MARCHF1: variants seen among roughly 807,000 people sequenced by gnomAD.
MARCHF1 encodes the protein membrane associated ring-CH-type finger 1.
Under a neutral mutation model 54.2 loss-of-function variants are expected in MARCHF1, and 40 were observed. The ratio of observed to expected loss-of-function variants is 0.74; its 90% confidence interval spans 0.57 to 0.96. MARCHF1 has a LOEUF of 0.96. Among genes scored for constraint, MARCHF1 ranks in the 40% least tolerant of loss-of-function variants. MARCHF1 has a pLI of 0.00. For missense variants in MARCHF1, 586 were observed against 656.5 expected, an observed-to-expected ratio of 0.89 and a Z score of 1.17; for synonymous variants, 236 against 236.3, an observed-to-expected ratio of 1.00 and a Z score of 0.01.
chr4:163,809,767 C>T (rs1748331821), intron 4 of MARCHF1, among the ~76,000 whole-genome samples: 1 of 151,626 alleles, frequency 6.6e-6, no homozygotes, highest in Non-Finnish European at 1.5e-5. Flanking sequence ...TTTATGTGAC[C>T]AGCTTTTAGT....
chr4:163,603,740 AT>A (rs1271317443), intron 7 of MARCHF1, among the ~76,000 whole-genome samples: 1 of 151,788 alleles, frequency 6.6e-6, no homozygotes, highest in East Asian at 1.9e-4. Flanking sequence ...CACATTTATC[AT>A]TTTTCTCTTT....
intron 2 of MARCHF1, among the ~76,000 whole-genome samples, chr4:164,071,373 T>C (rs1057014161): frequency 6.6e-6 from 1 of 152,228 alleles, no homozygotes; most frequent in Non-Finnish European, 1.5e-5. Context: ...TGGATTATAA[T>C]AGATTTCACC....
At chr4:163,970,314 T>C in intron 3 of MARCHF1, among the ~76,000 whole-genome samples, 1 of 152,196 alleles carries the variant, frequency 6.6e-6, no homozygotes, top group East Asian at 1.9e-4. Context: ...TAAAGAATCT[T>C]CAATTATCCT....
chr4:164,367,313 T>G (rs998244329), intron 1 of MARCHF1, among the ~76,000 whole-genome samples: 1 of 152,148 alleles, frequency 6.6e-6, no homozygotes, highest in African/African-American at 2.4e-5. Flanking sequence ...ACTCTAAGCA[T>G]CAGGTTAAAT....
At chr4:163,935,971 T>A (rs763818515) in intron 3 of MARCHF1, among the ~76,000 whole-genome samples, 18 of 152,174 alleles carry the variant, frequency 1.2e-4, no homozygotes, top group Admixed American at 7.2e-4. Context: ...AGTCTTTGAT[T>A]TAAATTGAGA....
chr4:164,342,780 A>C (rs1054427126), intron 1 of MARCHF1, among the ~76,000 whole-genome samples: 4 of 152,008 alleles, frequency 2.6e-5, no homozygotes, highest in South Asian at 2.1e-4. Context: ...CACACACACA[A>C]AAACACACAA....
intron 1 of MARCHF1, among the ~76,000 whole-genome samples, chr4:164,247,417 T>C (rs908955106): frequency 1.3e-5 from 2 of 150,606 alleles, no homozygotes; most frequent in African/African-American, 4.9e-5. Flanking sequence ...TGAGATCACA[T>C]GGACACAGGA....
At chr4:163,624,505 C>T (rs1233774312) in intron 5 of MARCHF1, among the ~76,000 whole-genome samples, 1 of 152,144 alleles carries the variant, frequency 6.6e-6, no homozygotes, top group Non-Finnish European at 1.5e-5. Context: ...GAAAACACGT[C>T]CCAAATAAAC....
At chr4:164,020,418 G>A (rs1421559051) in intron 2 of MARCHF1, among the ~76,000 whole-genome samples, 1 of 152,182 alleles carries the variant, frequency 6.6e-6, no homozygotes, top group Non-Finnish European at 1.5e-5. Flanking sequence ...TCCAAATCAA[G>A]TTGCTATTGG....
chr4:164,069,237 G>A (rs1579507992), intron 2 of MARCHF1, among the ~76,000 whole-genome samples: 1 of 152,202 alleles, frequency 6.6e-6, no homozygotes, highest in South Asian at 2.1e-4. Context: ...TCAGCTCTCT[G>A]TAAAACAGAC....
At chr4:163,925,567 A>T (rs755497481) in intron 3 of MARCHF1, among the ~76,000 whole-genome samples, 16 of 151,882 alleles carry the variant, frequency 1.1e-4, no homozygotes, top group Non-Finnish European at 2.2e-4. Flanking sequence ...GTTCAAAAGA[A>T]AAAATTGTCT....
chr4:164,272,952 G>A (rs1375363933), intron 1 of MARCHF1, among the ~76,000 whole-genome samples: 2 of 151,714 alleles, frequency 1.3e-5, no homozygotes, highest in Admixed American at 6.6e-5. Context: ...ATGTATGCAC[G>A]ATTGTACATA....
At chr4:164,060,577 A>T (rs148106865) in intron 2 of MARCHF1, among the ~76,000 whole-genome samples, 4 of 152,240 alleles carry the variant, frequency 2.6e-5, no homozygotes, top group African/African-American at 9.6e-5. Context: ...TAAATAATTG[A>T]ATAAAATAAG....
At chr4:163,639,071 G>A (rs988784137) in intron 5 of MARCHF1, among the ~76,000 whole-genome samples, 2 of 152,098 alleles carry the variant, frequency 1.3e-5, no homozygotes, top group Admixed American at 6.6e-5. Flanking sequence ...TGGGTATAGA[G>A]TTTCAGTTTT....
chr4:164,051,968 A>G (rs954221044), intron 2 of MARCHF1, among the ~76,000 whole-genome samples: 1 of 152,204 alleles, frequency 6.6e-6, no homozygotes, highest in Admixed American at 6.5e-5. Context: ...GAATGTTGCT[A>G]CAATGCTACA....
chr4:164,290,024 CACACACACAT>C (rs1403906481), intron 1 of MARCHF1, among the ~76,000 whole-genome samples: 3 of 151,920 alleles, frequency 2.0e-5, no homozygotes, highest in Non-Finnish European at 2.9e-5. Flanking sequence ...AATCCTCCAA[CACACACACAT>C]ACACACACAC....
At chr4:164,288,642 TAATA>T (rs1456265603) in intron 1 of MARCHF1, among the ~76,000 whole-genome samples, 1 of 152,024 alleles carries the variant, frequency 6.6e-6, no homozygotes, top group Admixed American at 6.6e-5. Context: ...GAAGATAATA[TAATA>T]AATAATAGAT....
At chr4:164,357,227 A>G (rs1730583916) in intron 1 of MARCHF1, among the ~76,000 whole-genome samples, 1 of 152,124 alleles carries the variant, frequency 6.6e-6, no homozygotes, top group Non-Finnish European at 1.5e-5. Flanking sequence ...GTTAAACATG[A>G]CCAGGGCTCA....
At position 163,664,831 on chromosome 4, in the gene MARCHF1, T is replaced by C. The variant is rs533867230; in HGVS notation, c.162+35982A>G. 8.5e-5 allele frequency among the ~76,000 whole-genome samples: 13 copies of C among 152,176 alleles called. No individual in the cohort carries two copies. In the East Asian group the frequency reaches 2.5e-3, roughly 29 times the overall value. ...ATTCTATCAGCAGGGTCAATATATT[T>C]AGTGGGCACAGTATACATAGGGCTT... is the stretch of plus-strand genomic sequence containing the variant. On this transcript the variant is annotated intron_variant, in intron 5 of 9. Transcript: ENST00000514618.
Sources: allele counts gnomAD v4.1 joint callset (sites outside exome capture counted in the v4.1 genomes callset), GRCh38; gene constraint gnomAD v4.1.1; transcripts MANE v1.5; gene names NCBI Gene and HGNC (gene_info 2026-07-23, HGNC 2026-07-21).